The following MBD5 variants were observed in gnomAD, a reference collection of about 807,000 sequenced individuals.
The protein encoded by MBD5 is methyl-CpG-binding domain protein 5.
MBD5 carries 13 observed loss-of-function variants against 117.3 expected under a neutral mutation model. The ratio of observed to expected loss-of-function variants is 0.11; its 90% CI spans 0.07 to 0.18. The LOEUF (loss-of-function observed/expected upper bound fraction) is 0.18. Ranked by LOEUF, MBD5 falls within the 10% of genes least tolerant of loss-of-function variation. The pLI is 1.00. For missense variants in MBD5, 1,879 were observed against 2,093.8 expected, an observed-to-expected ratio of 0.90 and a Z score of 2.00; for synonymous variants, 727 against 766.4, an observed-to-expected ratio of 0.95 and a Z score of 0.85.
At chr2:148,296,605 C>G (rs1203020993) in intron 3 of MBD5, 1 of 176,748 alleles carries the variant, frequency 5.7e-6, no homozygotes, top group Non-Finnish European at 1.2e-5. Flanking sequence ...TGACTGGAAA[C>G]TGTTCTGGGC....
chr2:148,420,639 A>G (rs915608202), intron 4 of MBD5, among the ~76,000 whole-genome samples: 5 of 152,054 alleles, frequency 3.3e-5, no homozygotes, highest in African/African-American at 1.2e-4. Flanking sequence ...CACTTTTTCT[A>G]TCACTATACT....
At chr2:148,098,745 G>A (rs10180469) in intron 1 of MBD5, among the ~76,000 whole-genome samples, 131,222 of 152,088 alleles carry the variant, frequency 0.86, 56,820 homozygotes, top group East Asian at 0.9. Context: ...CATTGATGTA[G>A]GGGTTAGGAA....
chr2:148,367,116 G>T (rs984781061), intron 4 of MBD5, among the ~76,000 whole-genome samples: 1 of 152,114 alleles, frequency 6.6e-6, no homozygotes, highest in Non-Finnish European at 1.5e-5. Flanking sequence ...CATGGTACTG[G>T]TATCAAAACA....
At chr2:148,343,069 C>A (rs1702991753) in intron 4 of MBD5, among the ~76,000 whole-genome samples, 2 of 152,086 alleles carry the variant, frequency 1.3e-5, no homozygotes. Context: ...AGGATAATGG[C>A]CTCCAGCTAC....
intron 3 of MBD5, among the ~76,000 whole-genome samples, chr2:148,323,063 A>T (rs1187641735): frequency 2.0e-5 from 3 of 149,368 alleles, no homozygotes; most frequent in Non-Finnish European, 3.0e-5. Context: ...TTCTCATTGT[A>T]CAATTCCCAC....
At chr2:148,407,310 A>G (rs1385528653) in intron 4 of MBD5, among the ~76,000 whole-genome samples, 2 of 151,570 alleles carry the variant, frequency 1.3e-5, no homozygotes, top group Non-Finnish European at 2.9e-5. Flanking sequence ...TGAAGACTTG[A>G]TAATGTGGAA....
intron 4 of MBD5, among the ~76,000 whole-genome samples, chr2:148,401,940 A>G (rs985700945): frequency 1.3e-5 from 2 of 151,548 alleles, no homozygotes; most frequent in Admixed American, 6.6e-5. Flanking sequence ...TTGCCCCTCA[A>G]TTTGGGTTCT....
intron 4 of MBD5, among the ~76,000 whole-genome samples, chr2:148,439,817 C>T (rs1706267051): frequency 6.7e-6 from 1 of 149,528 alleles, no homozygotes; most frequent in Non-Finnish European, 1.5e-5. Context: ...TAGTTTATTG[C>T]AACCTCAAAC....
At chr2:148,107,851 TA>T (rs1360247252) in intron 1 of MBD5, among the ~76,000 whole-genome samples, 1 of 152,198 alleles carries the variant, frequency 6.6e-6, no homozygotes, top group Non-Finnish European at 1.5e-5. Flanking sequence ...AATGATTTTT[TA>T]TATCATGAAC....
chr2:148,437,045 C>T (rs967287491), intron 4 of MBD5, among the ~76,000 whole-genome samples: 8 of 151,892 alleles, frequency 5.3e-5, no homozygotes, highest in East Asian at 1.9e-4. Context: ...TGCAGTGGCA[C>T]GATCTCGGCT....
chr2:148,512,610 A>G (rs900276705), intron 13 of MBD5, among the ~76,000 whole-genome samples: 3 of 152,174 alleles, frequency 2.0e-5, no homozygotes, highest in Non-Finnish European at 2.9e-5. Flanking sequence ...TGTCCAGTTC[A>G]TCCTTTGTTT....
chr2:148,361,568 G>C (rs1260219360), intron 4 of MBD5, among the ~76,000 whole-genome samples: 1 of 152,150 alleles, frequency 6.6e-6, no homozygotes, highest in Non-Finnish European at 1.5e-5. Flanking sequence ...TTGCAACATT[G>C]CCCAGGATCT....
chr2:148,290,068 G>T (rs1701465840), intron 3 of MBD5, among the ~76,000 whole-genome samples: 1 of 147,050 alleles, frequency 6.8e-6, no homozygotes, highest in Non-Finnish European at 1.5e-5. Flanking sequence ...CAATTATCCT[G>T]CCTCAGCCTC....
intron 1 of MBD5, among the ~76,000 whole-genome samples, chr2:148,166,022 T>C (rs1467765288): frequency 6.6e-6 from 1 of 152,222 alleles, no homozygotes; most frequent in Non-Finnish European, 1.5e-5. Flanking sequence ...TTTTGTATTG[T>C]CACCTGTGAA....
chr2:148,488,876 C>A (rs894058393), intron 10 of MBD5, among the ~76,000 whole-genome samples: 5 of 152,112 alleles, frequency 3.3e-5, no homozygotes, highest in African/African-American at 1.2e-4. Flanking sequence ...CATCTGAAAA[C>A]TAGTGTCATG....
intron 1 of MBD5, among the ~76,000 whole-genome samples, chr2:148,150,839 G>A (rs1377367406): frequency 2.6e-5 from 4 of 152,216 alleles, no homozygotes; most frequent in Non-Finnish European, 5.9e-5. Context: ...AGGAGATTTT[G>A]GGCTGAGACA....
intron 2 of MBD5, among the ~76,000 whole-genome samples, chr2:148,185,551 G>A (rs560744261): frequency 6.6e-6 from 1 of 152,246 alleles, no homozygotes; most frequent in African/African-American, 2.4e-5. Flanking sequence ...TAATTAAATA[G>A]ATACATAGTC....
rs184310752 is a variant in MBD5, at chr2:148,083,784, C to T, written c.-925+62100C>T. Among the ~76,000 whole-genome samples the T allele has an allele frequency of 3.3e-3, 502 of 152,168 alleles. 2 individuals carry two copies. The highest frequency in any genetic ancestry group is 5.4e-3 in the Admixed American group (82 of 15,284). On this transcript the variant is annotated intron_variant, in intron 1 of 13. Coordinates refer to ENST00000642680, the MANE Select transcript of MBD5 (RefSeq NM_001378120.1). ...CTGGGACTACAGGCGCACGCCACCA[C>T]GCCCGACTGATTTTTGTATTTTTAG... is the stretch of plus-strand genomic sequence containing the variant.
intron 1 of MBD5, among the ~76,000 whole-genome samples, chr2:148,091,581 A>T (rs1695944994): frequency 6.6e-6 from 1 of 152,106 alleles, no homozygotes; most frequent in Admixed American, 6.6e-5. Flanking sequence ...TCAAAAAATC[A>T]TGCTAGGATA....
Sources: allele counts gnomAD v4.1 joint callset (sites outside exome capture counted in the v4.1 genomes callset), GRCh38; gene constraint gnomAD v4.1.1; transcripts MANE v1.5; gene names NCBI Gene and HGNC (gene_info 2026-07-23, HGNC 2026-07-21).